The following MKI67 variants were observed in gnomAD, a reference collection of about 807,000 sequenced individuals.
The protein encoded by MKI67 is proliferation marker protein Ki-67.
Under a neutral mutation model 233.5 loss-of-function variants are expected in MKI67, and 152 were observed. That is an observed-to-expected ratio of 0.65 (90% CI 0.57 to 0.74). The LOEUF is 0.74. Among genes scored for constraint, MKI67 ranks in the 30% least tolerant of loss-of-function variants. The pLI, the probability that MKI67 is intolerant of heterozygous loss-of-function variation, is 0.00. For missense variants in MKI67, 3,940 were observed against 3,885.2 expected (o/e 1.01, Z -0.37); for synonymous variants, 1,465 against 1,418.5 (o/e 1.03, Z -0.74).
In MKI67 at chr10:128,116,554, A is replaced by G; in HGVS notation, c.355-18T>C. ...GCTGGCTCCTGTAAGTTGGGAAAATAAGAACAGTTATTTGCAGGTCTTTCT... is the reference window on the plus strand; with the variant it reads ...GCTGGCTCCTGTAAGTTGGGAAAATGAGAACAGTTATTTGCAGGTCTTTCT... On this transcript the variant is annotated intron_variant, in intron 5 of 14. Coordinates refer to ENST00000368654, the MANE Select transcript of MKI67 (RefSeq NM_002417.5). The G allele has an allele frequency of 1.2e-6, 2 of 1,608,570 alleles. No individual in the cohort carries two copies. The highest frequency in any genetic ancestry group is 1.7e-6 in the Non-Finnish European group (2 of 1,174,934).
Position 128,114,989 on chromosome 10 carries a change from C to A in MKI67, c.1419G>T (p.Gln473His), listed in dbSNP as rs750665568. Residue 473 changes from glutamine to histidine, a missense_variant, in exon 7 of 15, where the codon CAG becomes CAT. Transcript: ENST00000368654. ...TAAGACCAGGTAACCCAGAGCACAT[C>A]TGTCCAGCTGTAGTGCCCAATTTCT... is the stretch of plus-strand genomic sequence containing the variant. ...KPEKLGTTAGQMCSGLPGLSS... is the reference protein window; with the variant it reads ...KPEKLGTTAGHMCSGLPGLSS... 6.2e-7 allele frequency: 1 copy of A among 1,604,286 alleles called. No homozygotes were observed. Among genetic ancestry groups the A allele is most frequent in the Non-Finnish European group, 8.5e-7 (1 of 1,171,642 alleles).
In MKI67 at chr10:128,121,520, TATA is replaced by T. The variant is rs1350649442; in HGVS notation, c.287+1358_287+1360del. ...ACTATATAACATATAGTATATACTA[TATA>T]ATATTATATATTATATTATAATTAT... On this transcript the variant is annotated intron_variant, in intron 4 of 14. Transcript: ENST00000368654. Among the ~76,000 whole-genome samples the T allele has an allele frequency of 1.4e-3, 34 of 24,174 alleles. 1 individual carries two copies. In the South Asian group the frequency reaches 0.043, roughly 30 times the overall value. The allele number at this position is 24,174 out of a possible 152,430, so 15.9% of individuals were successfully genotyped here. A position where few individuals can be genotyped will look rare whatever the true frequency, so the allele number is the denominator to read the frequency against.
At chr10:128,116,966 C>T (rs1189790828) in intron 5 of MKI67, among the ~76,000 whole-genome samples, 1 of 152,132 alleles carries the variant, frequency 6.6e-6, no homozygotes, top group African/African-American at 2.4e-5. Flanking sequence ...TCGTATATGA[C>T]TTTTAAAGAC....
At chr10:128,123,192 T>C in intron 2 of MKI67, 23 bp from the exon 3 acceptor site, 1 of 1,573,422 alleles carries the variant, frequency 6.4e-7, no homozygotes, top group South Asian at 1.1e-5. Context: ...GAAGAAGGTT[T>C]TTTTGGTTGC....
At chr10:128,119,215 C>T (rs747289244) in intron 5 of MKI67, 38 bp downstream of exon 5, 11 of 1,413,510 alleles carry the variant, frequency 7.8e-6, no homozygotes, top group African/African-American at 4.2e-5. Context: ...TTCATATCAT[C>T]GAAACGAATC....
Position 128,112,192 on chromosome 10 carries a change from T to A in MKI67, c.1910A>T (p.Asp637Val). The A allele has an allele frequency of 6.2e-7, 1 of 1,614,200 alleles. No individual in the cohort carries two copies. The highest frequency in any genetic ancestry group is 8.5e-7 in the Non-Finnish European group (1 of 1,180,024). ...TTTGGAACATATCATCTGTAAAATATCATGTTGACTTCGGCTGATAGACAC... is the reference window on the plus strand; with the variant it reads ...TTTGGAACATATCATCTGTAAAATAACATGTTGACTTCGGCTGATAGACAC... ...KRVSISRSQH[D>V]ILQMICSKRR... Residue 637 changes from aspartate (D) to valine (V), a missense_variant, in exon 9 of 15, where the codon GAT becomes GTT. Physicochemically the swap from Asp to Val is radical, Grantham distance 152 (BLOSUM62 -3). Coordinates refer to ENST00000368654, the MANE Select transcript of MKI67 (RefSeq NM_002417.5).
At chr10:128,099,308 T>C (rs1398247573) in intron 14 of MKI67, 53 bp from the exon 15 acceptor site, 6 of 1,459,760 alleles carry the variant, frequency 4.1e-6, no homozygotes, top group Admixed American at 1.8e-5. Flanking sequence ...CACCCATTTT[T>C]AGAATCGACC....
chr10:128,107,786 G>GCT lies in MKI67; in HGVS notation c.4052_4053dup (p.Leu1352SerfsTer57). 1.9e-6 allele frequency: 3 copies of GCT among 1,614,056 alleles called. No individual in the cohort carries two copies. The highest frequency in any genetic ancestry group is 2.5e-6 in the Non-Finnish European group (3 of 1,180,000). On this transcript the variant is annotated frameshift_variant, in exon 13 of 15. Coordinates refer to ENST00000368654, the MANE Select transcript of MKI67 (RefSeq NM_002417.5). LOFTEE classifies it high-confidence loss of function. ...TCAGTATGACCAGGGGTCTGGAAGA[G>GCT]CTCTTTAAAGCCAGTCAGGTCTTCC... is the stretch of plus-strand genomic sequence containing the variant.
chr10:128,116,060 T>C, intron 6 of MKI67, 53 bp from the exon 7 acceptor site: 2 of 1,507,552 alleles, frequency 1.3e-6, no homozygotes, highest in Non-Finnish European at 1.8e-6. Context: ...TTCTCAATGA[T>C]TAACATTTGT....
rs1353826840 is a variant in MKI67, at chr10:128,115,439, C to T, written c.969G>A (p.Val323=). 1 of 1,613,750 alleles carries T rather than the reference C, an allele frequency of 6.2e-7. No individual in the cohort carries two copies. The highest frequency in any genetic ancestry group is 1.1e-5 in the South Asian group (1 of 91,032). Residue 323 remains valine (V), a synonymous_variant, in exon 7 of 15, where the codon GTG becomes GTA. Transcript: ENST00000368654. ...CCTTGCTGGGAGTCTGAACAGACTCCACGTCTCTTCCCTTCCCCTTGTTCT... is the reference window on the plus strand; with the variant it reads ...CCTTGCTGGGAGTCTGAACAGACTCTACGTCTCTTCCCTTCCCCTTGTTCT... ...LDQNKGKGRD[V]ESVQTPSKAV...
rs138888836 is a variant in MKI67, at chr10:128,107,642, C to A, written c.4198G>T (p.Val1400Leu). 4.8e-3 allele frequency: 7,718 copies of A among 1,614,010 alleles called. 26 individuals carry two copies. The highest frequency in any genetic ancestry group is 6.0e-3 in the Non-Finnish European group (7,023 of 1,180,016). ...TTCAGGGCTGAGAGCTCCTTCTGTACGTCCCTTTTCTCCAAAGGTGTCTTG... is the reference window on the plus strand; with the variant it reads ...TTCAGGGCTGAGAGCTCCTTCTGTAAGTCCCTTTTCTCCAAAGGTGTCTTG... Reference protein sequence around the residue: ...QPKTPLEKRDVQKELSALKKL... With the variant: ...QPKTPLEKRDLQKELSALKKL... The change falls in exon 13 of 15, where the codon GTA becomes TTA. Residue 1400 changes from valine to leucine, a missense_variant. By Grantham distance (32) the Val-to-Leu change is conservative. Transcript: ENST00000368654.
intron 7 of MKI67, among the ~76,000 whole-genome samples, chr10:128,114,489 G>C (rs1249596120): frequency 6.6e-6 from 1 of 152,244 alleles, no homozygotes; most frequent in African/African-American, 2.4e-5. Context: ...TCTGAAAACA[G>C]AGTATCAACA....
At position 128,104,232 on chromosome 10, in the gene MKI67, T is replaced by A. The variant is rs145935954; in HGVS notation, c.7608A>T (p.Ala2536=). The change falls in exon 13 of 15, where the codon GCA becomes GCT. Residue 2536 remains alanine (A), a synonymous_variant. Coordinates refer to ENST00000368654, the MANE Select transcript of MKI67 (RefSeq NM_002417.5). The part of the protein sequence containing the change: ...KESPKQILDP[A]ASVTGSRRQL... ...GCCTCCTGCTACCAGTTACACTTGC[T>A]GCTGGGTCCAGGATCTGCTTTGGAG... The A allele has an allele frequency of 8.0e-5, 129 of 1,614,154 alleles. No homozygotes were observed. In the South Asian group the frequency reaches 1.1e-3, roughly 14 times the overall value.
chr10:128,101,419 G>A lies in MKI67; in HGVS notation c.9544C>T (p.Leu3182Phe). The change falls in exon 14 of 15, where the codon CTC (leucine) becomes TTC (phenylalanine). Residue 3182 changes from leucine (L) to phenylalanine (F), a missense_variant. Transcript: ENST00000368654. ...CCTTTCCCTTTCTGATTCTGCATGAGAACCTTCGCACTCTTCTGCCCTCCG... is the reference window on the plus strand; with the variant it reads ...CCTTTCCCTTTCTGATTCTGCATGAAAACCTTCGCACTCTTCTGCCCTCCG... Reference protein sequence around the residue: ...ESGGQKSAKVLMQNQKGKGEA... With the variant: ...ESGGQKSAKVFMQNQKGKGEA... 1 of 1,614,142 alleles carries A rather than the reference G, an allele frequency of 6.2e-7. No homozygotes were observed. Among genetic ancestry groups the A allele is most frequent in the Non-Finnish European group, 8.5e-7 (1 of 1,180,024 alleles).
intron 5 of MKI67, among the ~76,000 whole-genome samples, chr10:128,117,321 G>T (rs1269629776): frequency 2.0e-5 from 3 of 152,204 alleles, no homozygotes; most frequent in Admixed American, 1.3e-4. Flanking sequence ...TTGGCTGGTG[G>T]ATACTTAGGG....
chr10:128,100,528 A>C (rs1319543684), intron 14 of MKI67, among the ~76,000 whole-genome samples: 1 of 152,220 alleles, frequency 6.6e-6, no homozygotes, highest in Non-Finnish European at 1.5e-5. Flanking sequence ...GTGTGCTAAG[A>C]ATTAAATTTA....
rs767790527 is a variant in MKI67 at position 128,109,320 on chromosome 10, G to A, written c.2520C>T (p.Asn840=). ...AGGTGTTCCTGGGCGTTTTTGCTACGTTTCCATTTTCTCTAATACACTGCC... is the reference window on the plus strand; with the variant it reads ...AGGTGTTCCTGGGCGTTTTTGCTACATTTCCATTTTCTCTAATACACTGCC... ...LRRQCIRENG[N]VAKTPRNTYK... Residue 840 remains asparagine (N), a synonymous_variant, in exon 13 of 15, where the codon AAC becomes AAT. Coordinates refer to ENST00000368654, the MANE Select transcript of MKI67 (RefSeq NM_002417.5). 8 of 1,613,964 alleles carry A rather than the reference G, an allele frequency of 5.0e-6. No individual in the cohort carries two copies. The highest frequency in any genetic ancestry group is 3.3e-5 in the Admixed American group (2 of 59,982).
chr10:128,113,455 G>C lies in MKI67; in HGVS notation c.1628C>G (p.Thr543Ser), dbSNP rs147869227. The change falls in exon 8 of 15, where the codon ACT becomes AGT. Residue 543 changes from threonine (T) to serine (S), a missense_variant. Physicochemically the swap from Thr to Ser is moderately conservative, Grantham distance 58. Transcript: ENST00000368654. ...PTKRKSLVMH[T>S]PPVLKKIIKE... ...GATGATTTTCTTCAGGACAGGTGGA[G>C]TGTGCATTACCAGAGACTTTCTTTT... is the stretch of plus-strand genomic sequence containing the variant. 6 of 1,614,102 alleles carry C rather than the reference G, an allele frequency of 3.7e-6. No individual in the cohort carries two copies. The African/African-American group carries it at 8.0e-5, about 22-fold the overall frequency.
rs141457945 is a variant in MKI67, at chr10:128,103,190, C to A, written c.8650G>T (p.Ala2884Ser). 6.3e-5 allele frequency: 101 copies of A among 1,613,054 alleles called. No homozygotes were observed. The African/African-American group carries it at 1.1e-3, about 17-fold the overall frequency. Reference sequence around the variant, plus strand: ...TTCCGCTTTGCAGGTTGCTTAAATGCTTTCGTGCCTTTGCCCTCACCTACC... The same window carrying A: ...TTCCGCTTTGCAGGTTGCTTAAATGATTTCGTGCCTTTGCCCTCACCTACC... ...EPVGEGKGTK[A>S]FKQPAKRKLD... is the part of the protein sequence containing the mutation. Residue 2884 changes from alanine to serine, a missense_variant, in exon 13 of 15, where the codon GCA becomes TCA. Transcript: ENST00000368654.
Sources: allele counts gnomAD v4.1 joint callset (sites outside exome capture counted in the v4.1 genomes callset), GRCh38; gene constraint gnomAD v4.1.1; transcripts MANE v1.5; gene names NCBI Gene and HGNC (gene_info 2026-07-23, HGNC 2026-07-21).